The following STK39 variants were observed in gnomAD, a reference collection of about 807,000 sequenced individuals.
STK39 encodes STE20/SPS1-related proline-alanine-rich protein kinase.
A neutral mutation model predicts 77.8 loss-of-function variants in STK39; 20 were observed. The ratio of observed to expected loss-of-function variants is 0.26; its 90% confidence interval spans 0.18 to 0.37. The LOEUF is 0.37. STK39 is among the 10% of genes least tolerant of loss of function. The pLI, the probability that STK39 is intolerant of heterozygous loss-of-function variation, is 1.00. For missense variants in STK39, 479 were observed against 656.5 expected (o/e 0.73, Z 2.95); for synonymous variants, 246 against 234.1 (o/e 1.05, Z -0.47).
At chr2:168,079,876 G>T (rs988117620) in intron 10 of STK39, among the ~76,000 whole-genome samples, 1 of 152,164 alleles carries the variant, frequency 6.6e-6, no homozygotes, top group Non-Finnish European at 1.5e-5. Flanking sequence ...AGCTGAGAAT[G>T]ATTGTACTGC....
chr2:167,998,889 T>C (rs1314023745), intron 16 of STK39, among the ~76,000 whole-genome samples: 2 of 152,202 alleles, frequency 1.3e-5, no homozygotes, highest in African/African-American at 2.4e-5. Flanking sequence ...AAAATCAAAT[T>C]CAGGCAGCAA....
intron 1 of STK39, among the ~76,000 whole-genome samples, chr2:168,242,560 A>AAAAAAAAATATATATAT (rs1296747890): frequency 2.2e-5 from 1 of 44,868 alleles, no homozygotes; most frequent in East Asian, 5.2e-4. Context: ...AAAAAAAAAA[A>AAAAAAAAATATATATAT]ATATATATAT....
rs570083008 is a variant in STK39 at position 168,045,396 on chromosome 2, C to T, written c.1376+18104G>A. Among the ~76,000 whole-genome samples the T allele has an allele frequency of 9.2e-5, 14 of 151,958 alleles. No homozygotes were observed. In the East Asian group the frequency reaches 1.9e-3, roughly 21 times the overall value. ...GCAGCAGGCCAGAGGCAGTCTTAGC[C>T]GTCCACCCCAGTTGACACTGATATT... On this transcript the variant is annotated intron_variant, in intron 14 of 17. Transcript: ENST00000355999.
At chr2:168,096,314 T>G (rs999445125) in intron 10 of STK39, among the ~76,000 whole-genome samples, 2 of 152,196 alleles carry the variant, frequency 1.3e-5, no homozygotes, top group Admixed American at 1.3e-4. Flanking sequence ...CATGAGACTT[T>G]GACACTAAGT....
At chr2:168,029,931 A>G (rs1054476669) in intron 14 of STK39, among the ~76,000 whole-genome samples, 2 of 152,290 alleles carry the variant, frequency 1.3e-5, no homozygotes, top group Admixed American at 1.3e-4. Context: ...CACCTTGGAC[A>G]TGTACTCAGC....
At chr2:168,033,150 C>T (rs1160422378) in intron 14 of STK39, among the ~76,000 whole-genome samples, 1 of 151,938 alleles carries the variant, frequency 6.6e-6, no homozygotes, top group Non-Finnish European at 1.5e-5. Context: ...TTACCTGATG[C>T]ATGGCAGTAT....
At chr2:168,148,531 A>G (rs543098322) in intron 5 of STK39, among the ~76,000 whole-genome samples, 1 of 152,282 alleles carries the variant, frequency 6.6e-6, no homozygotes, top group South Asian at 2.1e-4. Flanking sequence ...TCAGAGCAAG[A>G]AGAAGAGCAG....
intron 4 of STK39, among the ~76,000 whole-genome samples, chr2:168,163,290 G>A (rs923254125): frequency 6.6e-6 from 1 of 152,128 alleles, no homozygotes; most frequent in African/African-American, 2.4e-5. Context: ...AATTCACATA[G>A]TACAATGTTT....
At chr2:168,020,359 C>T (rs139103924) in intron 14 of STK39, among the ~76,000 whole-genome samples, 20 of 152,094 alleles carry the variant, frequency 1.3e-4, no homozygotes, top group African/African-American at 4.3e-4. Flanking sequence ...TAGGACAGCT[C>T]GAATCTTACA....
chr2:168,247,355 G>GGAC lies in STK39; in HGVS notation c.80_81insGTC (p.Ala27_Pro28insSer), dbSNP rs1553465694. 1.2e-4 allele frequency: 119 copies of GGAC among 1,029,072 alleles called. 2 individuals carry two copies. The African/African-American group carries it at 2.0e-3, about 17-fold the overall frequency. 63.7% of individuals were successfully genotyped at this position (1,029,072 alleles called of 1,614,324 possible). On this transcript the variant is annotated inframe_insertion, in exon 1 of 18. Transcript: ENST00000355999. ...CCGGCGCTGCTGTCGCGGCCGCCGG[G>GGAC]GCCGCCGCCGCCGCCGCTGTCACCG...
chr2:168,236,267 C>A (rs1214357416), intron 1 of STK39, among the ~76,000 whole-genome samples: 1 of 152,188 alleles, frequency 6.6e-6, no homozygotes, highest in African/African-American at 2.4e-5. Flanking sequence ...TGAGAAGTGT[C>A]TGTTCATATC....
At chr2:168,181,680 C>T (rs577300678) in intron 2 of STK39, among the ~76,000 whole-genome samples, 51 of 152,136 alleles carry the variant, frequency 3.4e-4, no homozygotes, top group Non-Finnish European at 5.3e-4. Flanking sequence ...TGTTAGGTCA[C>T]GCCACAGTGT....
chr2:168,205,664 A>C (rs932635434), intron 1 of STK39, among the ~76,000 whole-genome samples: 1 of 151,908 alleles, frequency 6.6e-6, no homozygotes, highest in Admixed American at 6.6e-5. Context: ...AAAAAATAAA[A>C]TAAAATTAGC....
At chr2:168,165,173 G>A (rs1688666889) in intron 3 of STK39, among the ~76,000 whole-genome samples, 3 of 151,980 alleles carry the variant, frequency 2.0e-5, no homozygotes, top group African/African-American at 7.2e-5. Flanking sequence ...ACCATACCAG[G>A]CATGCATGCA....
intron 16 of STK39, among the ~76,000 whole-genome samples, chr2:167,999,610 T>C (rs542783659): frequency 7.2e-5 from 11 of 152,066 alleles, no homozygotes; most frequent in Non-Finnish European, 1.3e-4. Context: ...TACAGGCGCC[T>C]GACACCACGC....
At chr2:168,010,438 G>C (rs1490873338) in intron 16 of STK39, among the ~76,000 whole-genome samples, 2 of 152,214 alleles carry the variant, frequency 1.3e-5, no homozygotes, top group African/African-American at 4.8e-5. Flanking sequence ...CCCCAAAGTT[G>C]AATCAATCTT....
chr2:168,236,395 G>A (rs1690610595), intron 1 of STK39, among the ~76,000 whole-genome samples: 1 of 152,128 alleles, frequency 6.6e-6, no homozygotes, highest in Non-Finnish European at 1.5e-5. Context: ...CTCCCATTCT[G>A]TAGGTTGCCT....
chr2:168,148,713 C>T (rs1016814005), intron 5 of STK39, among the ~76,000 whole-genome samples: 15 of 152,128 alleles, frequency 9.9e-5, no homozygotes, highest in African/African-American at 1.4e-4. Flanking sequence ...CAGATAGCAA[C>T]GTGTGTGATG....
intron 8 of STK39, among the ~76,000 whole-genome samples, chr2:168,130,332 A>G (rs970953207): frequency 7.9e-5 from 12 of 152,220 alleles, no homozygotes; most frequent in Non-Finnish European, 1.3e-4. Flanking sequence ...AGATGGTGTG[A>G]TTATTTCCTC....
Sources: allele counts gnomAD v4.1 joint callset (sites outside exome capture counted in the v4.1 genomes callset), GRCh38; gene constraint gnomAD v4.1.1; transcripts MANE v1.5; gene names NCBI Gene and HGNC (gene_info 2026-07-23, HGNC 2026-07-21).